The following IQCJ variants were observed in gnomAD, a reference collection of about 807,000 sequenced individuals.
The protein encoded by IQCJ is IQ domain-containing protein J.
A neutral mutation model predicts 11.0 loss-of-function variants in IQCJ; 9 were observed. The observed-to-expected ratio is 0.82, with a 90% CI of 0.49 to 1.43. The LOEUF (loss-of-function observed/expected upper bound fraction) is 1.43, where lower values mean the gene tolerates loss of function less well. IQCJ is among the 40% of genes most tolerant of loss of function. The pLI is 0.00. For synonymous variants in IQCJ, 55 were observed against 51.3 expected (o/e 1.07, Z -0.31); for missense variants, 146 against 133.2 (o/e 1.10, Z -0.47).
At chr3:159,092,059 G>T (rs1218910594) in intron 1 of IQCJ, among the ~76,000 whole-genome samples, 1 of 151,692 alleles carries the variant, frequency 6.6e-6, no homozygotes, top group Non-Finnish European at 1.5e-5. Flanking sequence ...ATTGCCACAA[G>T]GGGGAAATGT....
chr3:159,175,073 G>A (rs768746076), intron 1 of IQCJ, among the ~76,000 whole-genome samples: 1 of 152,062 alleles, frequency 6.6e-6, no homozygotes, highest in Non-Finnish European at 1.5e-5. Context: ...AATTTTATCA[G>A]CTTTATTGAG....
intron 1 of IQCJ, among the ~76,000 whole-genome samples, chr3:159,159,875 TCACCTTCC>T (rs142124322): frequency 0.029 from 4,336 of 152,070 alleles, 192 homozygotes; most frequent in African/African-American, 0.1. Flanking sequence ...CTGCTCCTCC[TCACCTTCC>T]CACCTTCCCA....
chr3:159,221,955 A>G (rs1252683142), intron 1 of IQCJ, among the ~76,000 whole-genome samples: 1 of 152,208 alleles, frequency 6.6e-6, no homozygotes, highest in Non-Finnish European at 1.5e-5. Context: ...ACTAAAAAAC[A>G]AAGAGAAAAC....
rs76913224 is a variant in IQCJ, at chr3:159,076,881, T to G, written c.9+7440T>G. On this transcript the variant is annotated intron_variant, in intron 1 of 3. Coordinates refer to ENST00000397832, the MANE Select transcript of IQCJ (RefSeq NM_001042706.3). ...AATTAACTTCTCTGTGCCTTAGTTT[T>G]TTTGTCTATAAAATGGAAATGACTA... Among the ~76,000 whole-genome samples, 444 of 152,212 alleles carry G rather than the reference T, an allele frequency of 2.9e-3. 4 individuals are homozygous for G. The highest frequency in any genetic ancestry group is 0.01 in the African/African-American group (436 of 41,554).
At chr3:159,160,460 G>A (rs572256475) in intron 1 of IQCJ, among the ~76,000 whole-genome samples, 14 of 151,720 alleles carry the variant, frequency 9.2e-5, no homozygotes, top group Admixed American at 4.6e-4. Context: ...GTGCCATCAC[G>A]CCCAGCTGAT....
At chr3:159,237,555 A>G (rs931527331) in intron 1 of IQCJ, among the ~76,000 whole-genome samples, 1 of 152,252 alleles carries the variant, frequency 6.6e-6, no homozygotes, top group Non-Finnish European at 1.5e-5. Context: ...ATTTTTCACC[A>G]TAACAGTATA....
chr3:159,111,537 C>T (rs892843780), intron 1 of IQCJ, among the ~76,000 whole-genome samples: 1 of 152,164 alleles, frequency 6.6e-6, no homozygotes, highest in Non-Finnish European at 1.5e-5. Context: ...CTAATCTGAG[C>T]ATCTTCTGGA....
intron 1 of IQCJ, among the ~76,000 whole-genome samples, chr3:159,155,147 C>T (rs1044648959): frequency 1.3e-5 from 2 of 151,464 alleles, no homozygotes; most frequent in Non-Finnish European, 2.9e-5. Context: ...TGAAGGGCAG[C>T]AACCAGTTAT....
At chr3:159,076,584 C>A (rs1296042241) in intron 1 of IQCJ, among the ~76,000 whole-genome samples, 1 of 152,106 alleles carries the variant, frequency 6.6e-6, no homozygotes, top group African/African-American at 2.4e-5. Flanking sequence ...GCTTTGGAAT[C>A]AGACATGCCC....
At chr3:159,146,244 T>A (rs879490961) in intron 1 of IQCJ, among the ~76,000 whole-genome samples, 1 of 152,134 alleles carries the variant, frequency 6.6e-6, no homozygotes, top group Non-Finnish European at 1.5e-5. Context: ...TGTGGCAAAT[T>A]GATGCCATTT....
At chr3:159,211,431 C>T (rs1724944398) in intron 1 of IQCJ, among the ~76,000 whole-genome samples, 1 of 152,084 alleles carries the variant, frequency 6.6e-6, no homozygotes, top group Admixed American at 6.5e-5. Flanking sequence ...AAGTGGTTGC[C>T]CACTGTCATC....
chr3:159,228,652 G>T (rs1429992838), intron 1 of IQCJ, among the ~76,000 whole-genome samples: 1 of 151,920 alleles, frequency 6.6e-6, no homozygotes, highest in Admixed American at 6.5e-5. Flanking sequence ...TTAGCCGGGC[G>T]TAGTGGCGGG....
downstream of IQCJ, chr3:159,265,596 A>T (rs1414993886): frequency 2.1e-6 from 1 of 479,826 alleles, no homozygotes; most frequent in Non-Finnish European, 3.7e-6. Context: ...CTCTTGCTTG[A>T]TCTTTTCCAG....
At chr3:159,233,030 G>A (rs999787004) in intron 1 of IQCJ, among the ~76,000 whole-genome samples, 6 of 152,080 alleles carry the variant, frequency 3.9e-5, no homozygotes, top group African/African-American at 7.2e-5. Context: ...GTAATGCTGC[G>A]CTATTTAATG....
At chr3:159,217,581 G>A (rs1039116392) in intron 1 of IQCJ, among the ~76,000 whole-genome samples, 6 of 152,090 alleles carry the variant, frequency 3.9e-5, no homozygotes, top group Non-Finnish European at 4.4e-5. Flanking sequence ...AATAAATCAA[G>A]GTGATGTTAC....
At position 159,105,564 on chromosome 3, in the gene IQCJ, T is replaced by C. The variant is rs111948057; in HGVS notation, c.9+36123T>C. ...AGAGTTGTGGATGATGTTAAGAGGC[T>C]TGAGAGTGAGCCTCTGCTGGTAGTG... On this transcript the variant is annotated intron_variant, in intron 1 of 3. Transcript: ENST00000397832. 7.4e-4 allele frequency among the ~76,000 whole-genome samples: 112 copies of C among 152,270 alleles called. 2 individuals carry two copies. Among genetic ancestry groups the C allele is most frequent in the African/African-American group, 2.5e-3 (105 of 41,562 alleles).
intron 1 of IQCJ, among the ~76,000 whole-genome samples, chr3:159,225,002 A>G (rs1157438386): frequency 6.6e-6 from 1 of 152,216 alleles, no homozygotes; most frequent in Non-Finnish European, 1.5e-5. Flanking sequence ...TAAAATTAAA[A>G]CATATAACCC....
chr3:159,161,306 T>C (rs1296719493), intron 1 of IQCJ, among the ~76,000 whole-genome samples: 2 of 152,350 alleles, frequency 1.3e-5, no homozygotes, highest in East Asian at 3.9e-4. Flanking sequence ...TTTCATGTGT[T>C]TTTTGGCTGC....
intron 3 of IQCJ, among the ~76,000 whole-genome samples, chr3:159,254,079 G>A (rs1727758230): frequency 6.6e-6 from 1 of 152,196 alleles, no homozygotes; most frequent in Non-Finnish European, 1.5e-5. Context: ...TTTTGTGTAA[G>A]CAGTGTGTCA....
Sources: gnomAD v4.1 joint callset for allele counts (sites outside exome capture counted in the v4.1 genomes callset) on GRCh38, gnomAD v4.1.1 for gene constraint, MANE v1.5 for transcripts, NCBI Gene and HGNC (gene_info 2026-07-23, HGNC 2026-07-21) for gene names.